Variants in RNF43 observed in about 807,000 individuals in gnomAD.
The protein encoded by RNF43 is E3 ubiquitin-protein ligase RNF43.
A neutral mutation model predicts 78.4 loss-of-function variants in RNF43; 37 were observed. That is an observed-to-expected ratio of 0.47 (90% CI 0.36 to 0.62). The LOEUF (loss-of-function observed/expected upper bound fraction) is 0.62, where lower values mean the gene tolerates loss of function less well. RNF43 is among the 20% of genes least tolerant of loss of function. RNF43 has a pLI of 0.00. For missense variants in RNF43, 774 were observed against 1,007.9 expected, an observed-to-expected ratio of 0.77 and a Z score of 3.14; for synonymous variants, 347 against 395.0, an observed-to-expected ratio of 0.88 and a Z score of 1.44.
At chr17:58,401,704 T>G (rs969627180) in intron 2 of RNF43, among the ~76,000 whole-genome samples, 1 of 152,146 alleles carries the variant, frequency 6.6e-6, no homozygotes. Flanking sequence ...AATAAGACTA[T>G]GAAAATGAAA....
At chr17:58,385,871 C>A (rs1483162768) in intron 2 of RNF43, among the ~76,000 whole-genome samples, 1 of 152,000 alleles carries the variant, frequency 6.6e-6, no homozygotes, top group Non-Finnish European at 1.5e-5. Context: ...CTTTGGGAGG[C>A]CAAAATGGGT....
chr17:58,358,023 T>G lies in RNF43; in HGVS notation c.1753A>C (p.Thr585Pro). 1 of 1,593,338 alleles carries G rather than the reference T, an allele frequency of 6.3e-7. No individual in the cohort carries two copies. ...GAAGGTGGCTCTGGCTGGGGCTGTG[T>G]CCGAGGAATAGGAGGCCTGGACTGG... ...VPQSRPPIPR[T>P]QPQPEPPSPD... Residue 585 changes from threonine (T) to proline (P), a missense_variant, in exon 9 of 10, where the codon ACA (threonine) becomes CCA (proline). Coordinates refer to ENST00000407977, the MANE Select transcript of RNF43 (RefSeq NM_017763.6). This position sits in a 1 kb window ranked among gnomAD's most constrained non-coding sequence, Gnocchi z 6.2.
Position 58,358,830 on chromosome 17 carries a change from A to G in RNF43, c.953-7T>C, listed in dbSNP as rs773353906. ...TGGGAAAATGAATCTCCCTCTGGAAAAAAGAACCAAGAGCACAGATGTTTA... is the reference window on the plus strand; with the variant it reads ...TGGGAAAATGAATCTCCCTCTGGAAGAAAGAACCAAGAGCACAGATGTTTA... On this transcript the variant is annotated splice_region_variant and splice_polypyrimidine_tract_variant and intron_variant, in intron 8 of 9. Transcript: ENST00000407977. The surrounding 1 kb of genome is among the most constrained non-coding windows in gnomAD (Gnocchi z 6.2). 6 of 1,484,760 alleles carry G rather than the reference A, an allele frequency of 4.0e-6. No individual in the cohort carries two copies. The highest frequency in any genetic ancestry group is 5.4e-6 in the Non-Finnish European group (6 of 1,121,398). The allele number at this position is 1,484,760 out of a possible 1,614,324, so 92.0% of individuals were successfully genotyped here.
At position 58,357,473 on chromosome 17, in the gene RNF43, T is replaced by G. The variant is rs931342515; in HGVS notation, c.2303A>C (p.Gln768Pro). The change falls in exon 9 of 10, where the codon CAG becomes CCG. Residue 768 changes from glutamine to proline, a missense_variant. Transcript: ENST00000407977. The surrounding 1 kb of genome is among the most constrained non-coding windows in gnomAD (Gnocchi z 4.5). ...PYPHCQVLSA[Q>P]PGSEEELEEL... ...ACTTCCCTCTGAAAACTCACCAGGC[T>G]GGGCCGACAGCACCTGGCAGTGCGG... 1.9e-6 allele frequency: 3 copies of G among 1,614,228 alleles called. No homozygotes were observed. In the Admixed American group the frequency reaches 5.0e-5, roughly 27 times the overall value.
At chr17:58,408,352 T>G (rs1973956124) in intron 2 of RNF43, among the ~76,000 whole-genome samples, 1 of 152,200 alleles carries the variant, frequency 6.6e-6, no homozygotes, top group African/African-American at 2.4e-5. Context: ...CAAAGGGGCC[T>G]GTGGCACACA....
At chr17:58,395,473 T>C (rs1973660093) in intron 2 of RNF43, among the ~76,000 whole-genome samples, 1 of 151,790 alleles carries the variant, frequency 6.6e-6, no homozygotes. Flanking sequence ...TTGTGTACAC[T>C]TGAACTCCTA....
intron 2 of RNF43, 146 bp downstream of exon 2, chr17:58,415,180 G>A (rs1344468807): frequency 2.7e-6 from 2 of 746,110 alleles, no homozygotes; most frequent in African/African-American, 1.8e-5. Context: ...GCTAAATTTA[G>A]AATGCCAATA....
In RNF43 at chr17:58,403,669, A is replaced by G. The variant is rs149604718; in HGVS notation, c.252+11657T>C. Among the ~76,000 whole-genome samples, 16 of 152,244 alleles carry G rather than the reference A, an allele frequency of 1.1e-4. No homozygotes were observed. In the East Asian group the frequency reaches 3.1e-3, roughly 29 times the overall value. ...ACAATGCAGAAAGTCACGGTTTAATAACAAGGCATAGTTACTAATCAGATG... is the reference window on the plus strand; with the variant it reads ...ACAATGCAGAAAGTCACGGTTTAATGACAAGGCATAGTTACTAATCAGATG... On this transcript the variant is annotated intron_variant, in intron 2 of 9. Transcript: ENST00000407977.
At chr17:58,369,543 T>C (rs1973036567) in intron 3 of RNF43, among the ~76,000 whole-genome samples, 1 of 152,204 alleles carries the variant, frequency 6.6e-6, no homozygotes, top group African/African-American at 2.4e-5. Context: ...CTCACCACCC[T>C]TGGGGGCATA....
At chr17:58,402,790 A>G (rs1973832582) in intron 2 of RNF43, 1 of 152,232 alleles carries the variant, frequency 6.6e-6, no homozygotes, top group South Asian at 2.1e-4. Context: ...TCCAAAAGTA[A>G]GTTCTTCCTT....
chr17:58,405,748 AAGAAAG>A (rs1555637529), intron 2 of RNF43, among the ~76,000 whole-genome samples: 5 of 151,530 alleles, frequency 3.3e-5, no homozygotes, highest in Non-Finnish European at 7.4e-5. Flanking sequence ...GAAAGAAAGA[AAGAAAG>A]AAAGAAAGAA....
At chr17:58,393,699 A>G (rs1973608760) in intron 2 of RNF43, among the ~76,000 whole-genome samples, 1 of 152,208 alleles carries the variant, frequency 6.6e-6, no homozygotes, top group African/African-American at 2.4e-5. Context: ...GCTTCATTGT[A>G]ATACTTTCTA....
chr17:58,364,015 A>G (rs1350360046), intron 3 of RNF43, among the ~76,000 whole-genome samples: 1 of 152,198 alleles, frequency 6.6e-6, no homozygotes, highest in East Asian at 1.9e-4. Flanking sequence ...AGAGAGAGGA[A>G]GAAGGGGACA....
chr17:58,373,776 T>C (rs1973148827), intron 2 of RNF43, among the ~76,000 whole-genome samples: 1 of 151,674 alleles, frequency 6.6e-6, no homozygotes, highest in South Asian at 2.1e-4. Context: ...TCATTTTAAC[T>C]TTTTTTTTAA....
intron 6 of RNF43, among the ~76,000 whole-genome samples, chr17:58,362,263 A>G (rs927682182): frequency 3.3e-5 from 5 of 152,122 alleles, no homozygotes; most frequent in African/African-American, 1.2e-4. Flanking sequence ...AGAATAAAAA[A>G]GCTCTTTGAG....
chr17:58,384,817 G>A (rs988220681), intron 2 of RNF43, among the ~76,000 whole-genome samples: 2 of 152,192 alleles, frequency 1.3e-5, no homozygotes, highest in Middle Eastern at 3.2e-3. Flanking sequence ...TTCTTTTGCT[G>A]GCAGTAAAAT....
intron 2 of RNF43, among the ~76,000 whole-genome samples, chr17:58,412,009 T>C (rs1019225602): frequency 2.0e-4 from 30 of 152,354 alleles, no homozygotes; most frequent in Admixed American, 5.2e-4. Context: ...TAGTCCTTTT[T>C]ATCAGTCACC....
chr17:58,409,380 G>C (rs1320128257), intron 2 of RNF43, among the ~76,000 whole-genome samples: 5 of 151,862 alleles, frequency 3.3e-5, no homozygotes, highest in Non-Finnish European at 7.4e-5. Context: ...TTCCTAACAG[G>C]ATATTACTCA....
At position 58,357,043 on chromosome 17, in the gene RNF43, G is replaced by A. The variant is rs1277528252; in HGVS notation, c.2308+425C>T. On this transcript the variant is annotated intron_variant, in intron 9 of 9. Transcript: ENST00000407977. This position sits in a 1 kb window ranked among gnomAD's most constrained non-coding sequence, Gnocchi z 4.5. The stretch of plus-strand genomic sequence containing the variant: ...TGAGTAGCTGGGATTATAAGTGCCC[G>A]CCACCATACCCGGCTAATTTTTGTA... The A allele has an allele frequency of 3.3e-6, 2 of 600,622 alleles. No individual in the cohort carries two copies. Among genetic ancestry groups the A allele is most frequent in the Admixed American group, 2.9e-5 (1 of 34,898 alleles). The allele number at this position is 600,622 out of a possible 1,614,324, so 37.2% of individuals were successfully genotyped here.
Sources: allele counts gnomAD v4.1 joint callset (sites outside exome capture counted in the v4.1 genomes callset), GRCh38; gene constraint gnomAD v4.1.1; non-coding constraint Gnocchi (gnomAD v3.1); transcripts MANE v1.5; gene names NCBI Gene and HGNC (gene_info 2026-07-23, HGNC 2026-07-21).